The following MORN5 variants were observed in gnomAD, a reference collection of about 807,000 sequenced individuals.
MORN5 encodes MORN repeat containing 5.
In MORN5, 21 loss-of-function variants were observed where a neutral mutation model predicts 22.1. That is an observed-to-expected ratio of 0.95 (90% CI 0.67 to 1.37). The LOEUF is 1.37. Ranked by LOEUF, MORN5 falls within the 40% of genes most tolerant of loss-of-function variation. The pLI, the probability that MORN5 is intolerant of heterozygous loss-of-function variation, is 0.00. For missense variants in MORN5, 211 were observed against 215.1 expected, an observed-to-expected ratio of 0.98 and a Z score of 0.12; for synonymous variants, 73 against 74.0, an observed-to-expected ratio of 0.99 and a Z score of 0.07.
intron 3 of MORN5, among the ~76,000 whole-genome samples, chr9:122,170,951 A>T (rs933902016): frequency 5.3e-5 from 8 of 152,206 alleles, no homozygotes; most frequent in East Asian, 1.9e-4. Context: ...CATTCTGCAC[A>T]TGTACCCCAG....
At chr9:122,179,626 G>C (rs1054646685) in intron 4 of MORN5, among the ~76,000 whole-genome samples, 1 of 152,164 alleles carries the variant, frequency 6.6e-6, no homozygotes, top group African/African-American at 2.4e-5. Flanking sequence ...CCAACCTTAA[G>C]TAAGAGTCTA....
intron 4 of MORN5, among the ~76,000 whole-genome samples, chr9:122,177,408 C>T (rs2118761358): frequency 1.3e-5 from 2 of 152,304 alleles, no homozygotes; most frequent in Admixed American, 1.3e-4. Context: ...ATGGAAGTCT[C>T]AGTTTGGAGC....
chr9:122,169,601 C>A (rs1364510883), intron 2 of MORN5, 44 bp from the exon 3 acceptor site: 1 of 1,422,660 alleles, frequency 7.0e-7, no homozygotes, highest in Non-Finnish European at 9.9e-7. Flanking sequence ...TGGCCAAAAG[C>A]CTTCAGCTTC....
intron 3 of MORN5, among the ~76,000 whole-genome samples, chr9:122,172,443 G>A (rs769612694): frequency 6.6e-6 from 1 of 151,868 alleles, no homozygotes; most frequent in Non-Finnish European, 1.5e-5. Flanking sequence ...CCCCTCTTGC[G>A]ATACTTGCTT....
At chr9:122,189,414 C>T (rs1829709780) in intron 4 of MORN5, among the ~76,000 whole-genome samples, 1 of 151,910 alleles carries the variant, frequency 6.6e-6, no homozygotes, top group African/African-American at 2.4e-5. Context: ...GACAACAATC[C>T]AAGACCCCAT....
chr9:122,199,206 C>G (rs559013415), intron 4 of MORN5, among the ~76,000 whole-genome samples: 1 of 152,350 alleles, frequency 6.6e-6, no homozygotes, highest in East Asian at 1.9e-4. Context: ...CTAGTCTGAG[C>G]TCTCCCACAT....
intron 4 of MORN5, among the ~76,000 whole-genome samples, chr9:122,190,884 G>A (rs1829746374): frequency 6.6e-6 from 1 of 152,280 alleles, no homozygotes; most frequent in Admixed American, 6.5e-5. Flanking sequence ...ACCAGCTCAC[G>A]TAGGCTGCAT....
intron 4 of MORN5, among the ~76,000 whole-genome samples, chr9:122,191,661 G>A (rs565615485): frequency 6.6e-6 from 1 of 152,382 alleles, no homozygotes; most frequent in South Asian, 2.1e-4. Context: ...TAGCAGCGGT[G>A]ACCGCAGGTG....
At position 122,166,811 on chromosome 9, in the gene MORN5, T is replaced by C; in HGVS notation, c.91T>C (p.Tyr31His). The change falls in exon 2 of 5, where the codon TAT becomes CAT. Residue 31 changes from tyrosine (Y) to histidine (H), a missense_variant. Tyr to His is a moderately conservative substitution (Grantham distance 83). Coordinates refer to ENST00000373764, the MANE Select transcript of MORN5 (RefSeq NM_198469.4). Reference sequence around the variant, plus strand: ...GTACATCCTCCCTACCGAAACAATATATGTTGGGGAAATGAAGGATGGCAT... The same window carrying C: ...GTACATCCTCCCTACCGAAACAATACATGTTGGGGAAATGAAGGATGGCAT... Reference protein sequence around the residue: ...AKYILPTETIYVGEMKDGMFH... With the variant: ...AKYILPTETIHVGEMKDGMFH... 1 of 1,613,764 alleles carries C rather than the reference T, an allele frequency of 6.2e-7. No homozygotes were observed. The highest frequency in any genetic ancestry group is 2.2e-5 in the East Asian group (1 of 44,848).
At chr9:122,194,748 G>A (rs770640742) in intron 4 of MORN5, among the ~76,000 whole-genome samples, 9 of 152,222 alleles carry the variant, frequency 5.9e-5, no homozygotes, top group Non-Finnish European at 1.0e-4. Context: ...AGCCGGGCAC[G>A]GTGGACCACA....
At chr9:122,174,351 G>T in intron 3 of MORN5, 145 bp from the exon 4 acceptor site, 1 of 859,742 alleles carries the variant, frequency 1.2e-6, no homozygotes, top group Non-Finnish European at 1.8e-6. Flanking sequence ...TGCTGGGTTT[G>T]CTTCTTGCCC....
At chr9:122,195,911 C>T (rs977151042) in intron 4 of MORN5, among the ~76,000 whole-genome samples, 1 of 152,014 alleles carries the variant, frequency 6.6e-6, no homozygotes, top group Admixed American at 6.6e-5. Context: ...GGTCTTTTTG[C>T]TTTTCAGGAG....
At chr9:122,189,828 G>A (rs928428988) in intron 4 of MORN5, among the ~76,000 whole-genome samples, 10 of 151,986 alleles carry the variant, frequency 6.6e-5, no homozygotes, top group Admixed American at 2.6e-4. Context: ...GGATGGTCTC[G>A]ATCTCCTGAC....
Position 122,164,132 on chromosome 9 carries a change from T to C in MORN5, c.48-2636T>C, listed in dbSNP as rs146860335. Among the ~76,000 whole-genome samples the C allele has an allele frequency of 6.8e-3, 1,039 of 152,346 alleles. 9 individuals are homozygous for C. Among genetic ancestry groups the C allele is most frequent in the African/African-American group, 0.024 (987 of 41,574 alleles). On this transcript the variant is annotated intron_variant, in intron 1 of 4. Coordinates refer to ENST00000373764, the MANE Select transcript of MORN5 (RefSeq NM_198469.4). The stretch of plus-strand genomic sequence containing the variant: ...CTATAAAGTGGTTTTTTTCTTCTTT[T>C]TAACTTACTTTGAATTTAGAAGGCA...
chr9:122,173,258 G>T (rs748754527), intron 3 of MORN5, among the ~76,000 whole-genome samples: 1 of 152,196 alleles, frequency 6.6e-6, no homozygotes, highest in Non-Finnish European at 1.5e-5. Flanking sequence ...GCCTCTTGGG[G>T]CTGGCATTGT....
intron 4 of MORN5, among the ~76,000 whole-genome samples, chr9:122,196,598 T>C (rs1829896967): frequency 6.6e-6 from 1 of 152,188 alleles, no homozygotes; most frequent in South Asian, 2.1e-4. Flanking sequence ...CCCAAAGTGC[T>C]GGGATTACAG....
chr9:122,181,538 T>C (rs909874659), intron 4 of MORN5, among the ~76,000 whole-genome samples: 2 of 152,220 alleles, frequency 1.3e-5, no homozygotes, highest in African/African-American at 2.4e-5. Flanking sequence ...TAGACAGTTA[T>C]TACATATTCT....
chr9:122,188,529 T>G (rs1829688611), intron 4 of MORN5, among the ~76,000 whole-genome samples: 3 of 152,198 alleles, frequency 2.0e-5, no homozygotes, highest in Admixed American at 1.3e-4. Context: ...CGGGGCCCCT[T>G]CGGTCCATCG....
chr9:122,174,661 C>T (rs1332389125), intron 4 of MORN5, 34 bp downstream of exon 4: 1 of 1,613,690 alleles, frequency 6.2e-7, no homozygotes, highest in South Asian at 1.1e-5. Context: ...CACGTTTTCT[C>T]TTCACCCACA....
Sources: gnomAD v4.1 joint callset for allele counts (sites outside exome capture counted in the v4.1 genomes callset) on GRCh38, gnomAD v4.1.1 for gene constraint, MANE v1.5 for transcripts, NCBI Gene and HGNC (gene_info 2026-07-23, HGNC 2026-07-21) for gene names.